WDHD1: variants seen among roughly 807,000 people sequenced by gnomAD.
WDHD1 encodes WD repeat and HMG-box DNA binding protein 1.
In WDHD1, 111 loss-of-function variants were observed where a neutral mutation model predicts 135.4. That is an observed-to-expected ratio of 0.82 (90% CI 0.70 to 0.96). WDHD1 has a LOEUF of 0.96. Among genes scored for constraint, WDHD1 ranks in the 40% least tolerant of loss-of-function variants. WDHD1 has a pLI of 0.00. For missense variants in WDHD1, 1,351 were observed against 1,336.3 expected (o/e 1.01, Z -0.17); for synonymous variants, 434 against 439.0 (o/e 0.99, Z 0.14).
At chr14:54,956,226 T>G (rs1443969492) in intron 23 of WDHD1, among the ~76,000 whole-genome samples, 1 of 152,206 alleles carries the variant, frequency 6.6e-6, no homozygotes, top group African/African-American at 2.4e-5. Flanking sequence ...CAGCCACTAT[T>G]AAATACGAAT....
At chr14:54,954,877 G>A (rs1396410500) in intron 24 of WDHD1, among the ~76,000 whole-genome samples, 1 of 152,092 alleles carries the variant, frequency 6.6e-6, no homozygotes, top group Non-Finnish European at 1.5e-5. Context: ...TTACAGGCAT[G>A]TGCCACCAAG....
At chr14:54,968,269 GAATA>G (rs1382528678) in intron 16 of WDHD1, among the ~76,000 whole-genome samples, 1 of 151,998 alleles carries the variant, frequency 6.6e-6, no homozygotes, top group Non-Finnish European at 1.5e-5. Context: ...AATGACTTTT[GAATA>G]AACAATGAAA....
chr14:54,995,510 T>C, intron 11 of WDHD1, 93 bp downstream of exon 11: 1 of 1,011,314 alleles, frequency 9.9e-7, no homozygotes. Flanking sequence ...CTTAGCTACA[T>C]TCTACAAATT....
intron 21 of WDHD1, among the ~76,000 whole-genome samples, chr14:54,958,867 T>C (rs1159863927): frequency 2.6e-5 from 4 of 152,240 alleles, no homozygotes; most frequent in Non-Finnish European, 5.9e-5. Flanking sequence ...TAAATTGCTA[T>C]ACTTATGCCA....
intron 12 of WDHD1, among the ~76,000 whole-genome samples, chr14:54,989,462 TTAA>T (rs940606685): frequency 7.9e-5 from 12 of 152,108 alleles, no homozygotes; most frequent in Admixed American, 7.9e-4. Context: ...AATAGAGTAT[TTAA>T]TAATATTTAA....
At chr14:54,969,937 A>G (rs1357425493) in intron 16 of WDHD1, among the ~76,000 whole-genome samples, 1 of 152,260 alleles carries the variant, frequency 6.6e-6, no homozygotes, top group Non-Finnish European at 1.5e-5. Flanking sequence ...CAACAGAATT[A>G]AAAACAAAAA....
intron 21 of WDHD1, among the ~76,000 whole-genome samples, chr14:54,958,937 C>G (rs2041204577): frequency 6.6e-6 from 1 of 152,220 alleles, no homozygotes; most frequent in African/African-American, 2.4e-5. Flanking sequence ...ATTCAAATAT[C>G]TGTCTTCACG....
At position 54,993,232 on chromosome 14, in the gene WDHD1, C is replaced by T. The variant is rs188372430; in HGVS notation, c.1154-1832G>A. Among the ~76,000 whole-genome samples, 3 of 152,258 alleles carry T rather than the reference C, an allele frequency of 2.0e-5. No homozygotes were observed. In the East Asian group the frequency reaches 5.8e-4, roughly 29 times the overall value. ...TCTCGGGCTCAAGAGATCCTCCTAC[C>T]TCAGCCTCCCAAGTAGGTGGGATTA... is the stretch of plus-strand genomic sequence containing the variant. On this transcript the variant is annotated intron_variant, in intron 11 of 25. Coordinates refer to ENST00000360586, the MANE Select transcript of WDHD1 (RefSeq NM_007086.4).
At chr14:55,004,626 T>C (rs916599570) in intron 7 of WDHD1, among the ~76,000 whole-genome samples, 1 of 152,216 alleles carries the variant, frequency 6.6e-6, no homozygotes, top group African/African-American at 2.4e-5. Context: ...CTAATTTCTA[T>C]ATTTTTAGTA....
Position 54,989,220 on chromosome 14 carries a change from C to T in WDHD1, c.1342-8G>A. On this transcript the variant is annotated splice_polypyrimidine_tract_variant and splice_region_variant and intron_variant, in intron 12 of 25. Transcript: ENST00000360586. ...TCCAATAGAGTTCCACACCTACAAA[C>T]AGGTAAGATTAAATATAAGTCTGAG... The T allele has an allele frequency of 1.9e-6, 3 of 1,605,752 alleles. No homozygotes were observed.
At chr14:54,995,948 A>G (rs1363103083) in intron 10 of WDHD1, 135 bp from the exon 11 acceptor site, 1 of 613,648 alleles carries the variant, frequency 1.6e-6, no homozygotes, top group Non-Finnish European at 2.7e-6. Flanking sequence ...AAGAATAATT[A>G]GTAAATGTAT....
intron 25 of WDHD1, among the ~76,000 whole-genome samples, chr14:54,943,703 C>CT (rs1298147266): frequency 6.6e-6 from 1 of 152,136 alleles, no homozygotes; most frequent in Non-Finnish European, 1.5e-5. Context: ...CAGCTTGACA[C>CT]TTTTGATTTT....
At chr14:55,020,882 T>C (rs1430660873) in intron 2 of WDHD1, among the ~76,000 whole-genome samples, 1 of 152,172 alleles carries the variant, frequency 6.6e-6, no homozygotes, top group Admixed American at 6.5e-5. Context: ...AGAGAAAAAA[T>C]ATATCAGGAA....
At chr14:54,998,571 A>T (rs1249267631) in intron 10 of WDHD1, among the ~76,000 whole-genome samples, 1 of 152,120 alleles carries the variant, frequency 6.6e-6, no homozygotes, top group Non-Finnish European at 1.5e-5. Context: ...AAATCCTTCC[A>T]GCTCTTTTAG....
chr14:55,013,723 C>A, intron 2 of WDHD1, 127 bp from the exon 3 acceptor site: 1 of 701,204 alleles, frequency 1.4e-6, no homozygotes, highest in South Asian at 1.7e-5. Flanking sequence ...CTGGATAATA[C>A]AGAGAGACCT....
At chr14:54,964,717 T>C (rs9285583) in intron 18 of WDHD1, among the ~76,000 whole-genome samples, 64,267 of 151,710 alleles carry the variant, frequency 0.42, 15,460 homozygotes, top group African/African-American at 0.66. Flanking sequence ...TGCCCGGGGG[T>C]CAGGAATGCT....
At chr14:55,011,931 A>G (rs2042177881) in intron 3 of WDHD1, among the ~76,000 whole-genome samples, 1 of 152,102 alleles carries the variant, frequency 6.6e-6, no homozygotes, top group Non-Finnish European at 1.5e-5. Context: ...CCTTTTCCAC[A>G]TAAACTTGAA....
chr14:55,009,490 T>C (rs973880132), intron 4 of WDHD1, among the ~76,000 whole-genome samples: 5 of 151,878 alleles, frequency 3.3e-5, no homozygotes, highest in African/African-American at 1.2e-4. Flanking sequence ...TGGAACGCAA[T>C]GGCGTGATCT....
chr14:54,991,711 A>T lies in WDHD1; in HGVS notation c.1154-311T>A, dbSNP rs940455676. Among the ~76,000 whole-genome samples the T allele has an allele frequency of 1.4e-4, 22 of 152,156 alleles. No individual in the cohort carries two copies. In the East Asian group the frequency reaches 3.5e-3, roughly 24 times the overall value. ...TGACGCTTACACAGATTTTTTTTTT[A>T]AAGTTCTGTGTGCTAAAATGAGAAG... is the stretch of plus-strand genomic sequence containing the variant. On this transcript the variant is annotated intron_variant, in intron 11 of 25. Coordinates refer to ENST00000360586, the MANE Select transcript of WDHD1 (RefSeq NM_007086.4).
Sources: gnomAD v4.1 joint callset for allele counts (sites outside exome capture counted in the v4.1 genomes callset) on GRCh38, gnomAD v4.1.1 for gene constraint, MANE v1.5 for transcripts, NCBI Gene and HGNC (gene_info 2026-07-23, HGNC 2026-07-21) for gene names.